The following OPCML variants were observed in gnomAD, a reference collection of about 807,000 sequenced individuals.
OPCML encodes the protein opioid-binding protein/cell adhesion molecule.
A neutral mutation model predicts 37.8 loss-of-function variants in OPCML; 13 were observed. The ratio of observed to expected loss-of-function variants is 0.34; its 90% CI spans 0.22 to 0.55. The LOEUF (loss-of-function observed/expected upper bound fraction) is 0.55, where lower values mean the gene tolerates loss of function less well. Among genes scored for constraint, OPCML ranks in the 20% least tolerant of loss-of-function variants. The probability of loss-of-function intolerance (pLI) is 0.91; values close to 1 mark genes in which losing one functional copy is unlikely to be tolerated. For synonymous variants in OPCML, 176 were observed against 168.8 expected, an observed-to-expected ratio of 1.04 and a Z score of -0.33; for missense variants, 341 against 435.6, an observed-to-expected ratio of 0.78 and a Z score of 1.93.
intron 1 of OPCML, among the ~76,000 whole-genome samples, chr11:132,969,928 G>C (rs575494367): frequency 3.9e-5 from 6 of 152,140 alleles, no homozygotes; most frequent in Admixed American, 2.0e-4. Flanking sequence ...CTCACAGGCA[G>C]TTTCTGTTGC....
At chr11:132,944,312 G>T (rs1027311196) in intron 1 of OPCML, among the ~76,000 whole-genome samples, 9 of 152,142 alleles carry the variant, frequency 5.9e-5, no homozygotes, top group South Asian at 2.1e-4. Flanking sequence ...GACAAACCCC[G>T]CCCTGGAGAG....
intron 2 of OPCML, among the ~76,000 whole-genome samples, chr11:132,826,219 T>C (rs964029552): frequency 2.4e-4 from 37 of 152,238 alleles, no homozygotes. Flanking sequence ...AGTTAGCCAC[T>C]GATCAGAAAT....
chr11:132,469,315 T>G (rs935148443), intron 4 of OPCML, among the ~76,000 whole-genome samples: 2 of 152,156 alleles, frequency 1.3e-5, no homozygotes, highest in Non-Finnish European at 2.9e-5. Context: ...GGAGAGAATT[T>G]TCGTGAGACT....
intron 1 of OPCML, among the ~76,000 whole-genome samples, chr11:133,338,346 G>A (rs896817902): frequency 3.3e-5 from 5 of 152,152 alleles, no homozygotes; most frequent in Admixed American, 6.5e-5. Context: ...CCAGGTGGGC[G>A]ATGCCATATT....
chr11:132,746,434 T>C (rs1293533876), intron 2 of OPCML, among the ~76,000 whole-genome samples: 1 of 152,092 alleles, frequency 6.6e-6, no homozygotes, highest in Non-Finnish European at 1.5e-5. Flanking sequence ...ACCACTCTCA[T>C]CGGCGTTTAT....
chr11:132,968,171 T>C (rs570435696), intron 1 of OPCML, among the ~76,000 whole-genome samples: 1 of 152,358 alleles, frequency 6.6e-6, no homozygotes, highest in East Asian at 1.9e-4. Context: ...GTGCTTTTAA[T>C]TTCAAACTCC....
At chr11:133,013,980 A>C (rs891113770) in intron 1 of OPCML, among the ~76,000 whole-genome samples, 2 of 152,168 alleles carry the variant, frequency 1.3e-5, no homozygotes, top group Non-Finnish European at 2.9e-5. Context: ...TTACAAAGAC[A>C]AAAGGAACCC....
chr11:132,616,061 AT>A (rs568141932), intron 3 of OPCML, among the ~76,000 whole-genome samples: 1 of 152,124 alleles, frequency 6.6e-6, no homozygotes, highest in African/African-American at 2.4e-5. Context: ...ACCTCAGGAT[AT>A]TTTTTTCTGG....
intron 2 of OPCML, among the ~76,000 whole-genome samples, chr11:132,779,239 A>AT (rs1946914636): frequency 6.6e-6 from 1 of 152,168 alleles, no homozygotes; most frequent in Non-Finnish European, 1.5e-5. Context: ...AAGTGCTGGG[A>AT]TTACAGGCAT....
At chr11:132,654,142 T>C (rs1310759389) in intron 3 of OPCML, among the ~76,000 whole-genome samples, 1 of 152,222 alleles carries the variant, frequency 6.6e-6, no homozygotes, top group Non-Finnish European at 1.5e-5. Context: ...TGGGGCTTCT[T>C]TCTAACTGAG....
chr11:132,779,036 C>G (rs1312786637), intron 2 of OPCML, among the ~76,000 whole-genome samples: 2 of 138,986 alleles, frequency 1.4e-5, no homozygotes, highest in African/African-American at 2.7e-5. Flanking sequence ...GGTGCCATCT[C>G]CGCTCACTGC....
chr11:132,635,736 A>G (rs541638653), intron 3 of OPCML, among the ~76,000 whole-genome samples: 5 of 152,342 alleles, frequency 3.3e-5, no homozygotes, highest in Admixed American at 1.3e-4. Flanking sequence ...GTCAACAAGC[A>G]GCACTTTCTT....
chr11:133,239,874 C>T (rs987312500), intron 1 of OPCML, among the ~76,000 whole-genome samples: 1 of 151,932 alleles, frequency 6.6e-6, no homozygotes, highest in East Asian at 1.9e-4. Flanking sequence ...TGTGTGTGCT[C>T]GCAAGCTTTT....
intron 3 of OPCML, among the ~76,000 whole-genome samples, chr11:132,555,921 TTTC>T (rs2096394539): frequency 6.6e-6 from 1 of 151,932 alleles, no homozygotes. Context: ...TATCAAAACG[TTTC>T]TTGTTTCAAT....
rs193276473 is a variant in OPCML, at chr11:132,684,312, C to G, written c.147-26993G>C. On this transcript the variant is annotated intron_variant, in intron 2 of 7. Transcript: ENST00000524381. ...ATCTTTGAGATAGGCAACTTTATTT[C>G]CATTTTATAGGTTAGTAAATTGAGC... 3.8e-3 allele frequency among the ~76,000 whole-genome samples: 583 copies of G among 152,212 alleles called. 4 individuals carry two copies. Among genetic ancestry groups the G allele is most frequent in the South Asian group, 0.021 (101 of 4,826 alleles).
At chr11:133,045,588 G>A (rs1947993770) in intron 1 of OPCML, among the ~76,000 whole-genome samples, 1 of 152,192 alleles carries the variant, frequency 6.6e-6, no homozygotes, top group African/African-American at 2.4e-5. Flanking sequence ...TGGCCAAGGT[G>A]GGACACCGCC....
chr11:133,205,185 C>T lies in OPCML; in HGVS notation c.62-262175G>A, dbSNP rs1006490039. On this transcript the variant is annotated intron_variant, in intron 1 of 7. Coordinates refer to ENST00000524381, the MANE Select transcript of OPCML (RefSeq NM_001012393.5). The surrounding 1 kb of genome is among the most constrained non-coding windows in gnomAD (Gnocchi z 4.8). ...CTAATGATGTAATCAATTATGGCAA[C>T]CTAATGAAGCTTTGATAAAAAACCC... Among the ~76,000 whole-genome samples, 1 of 151,850 alleles carries T rather than the reference C, an allele frequency of 6.6e-6. No homozygotes were observed. The highest frequency in any genetic ancestry group is 1.5e-5 in the Non-Finnish European group (1 of 67,978).
chr11:132,823,861 G>C (rs116946986), intron 2 of OPCML, among the ~76,000 whole-genome samples: 2,500 of 152,132 alleles, frequency 0.016, 27 homozygotes, highest in Middle Eastern at 0.031. Context: ...GCATTTACAC[G>C]GATGGCCATG....
At chr11:133,082,240 G>A (rs1948734236) in intron 1 of OPCML, among the ~76,000 whole-genome samples, 1 of 151,542 alleles carries the variant, frequency 6.6e-6, no homozygotes, top group South Asian at 2.1e-4. Context: ...GGGCCACTCC[G>A]GGAGCCCCTG....
Sources: allele counts gnomAD v4.1 joint callset (sites outside exome capture counted in the v4.1 genomes callset), GRCh38; gene constraint gnomAD v4.1.1; non-coding constraint Gnocchi (gnomAD v3.1); transcripts MANE v1.5; gene names NCBI Gene and HGNC (gene_info 2026-07-23, HGNC 2026-07-21).